The following PRKCB variants were observed in gnomAD, a reference collection of about 807,000 sequenced individuals.
PRKCB encodes protein kinase C beta.
In PRKCB, 13 loss-of-function variants were observed where a neutral mutation model predicts 81.5. That is an observed-to-expected ratio of 0.16 (90% CI 0.10 to 0.25). The LOEUF (loss-of-function observed/expected upper bound fraction) is 0.25, where lower values mean the gene tolerates loss of function less well. Ranked by LOEUF, PRKCB falls within the 10% of genes least tolerant of loss-of-function variation. The pLI is 1.00. For missense variants in PRKCB, 509 were observed against 875.7 expected, an observed-to-expected ratio of 0.58 and a Z score of 5.29; for synonymous variants, 335 against 321.4, an observed-to-expected ratio of 1.04 and a Z score of -0.45.
chr16:23,889,116 GTCCATCCATCCA>G (rs60798460), intron 2 of PRKCB, among the ~76,000 whole-genome samples: 56,166 of 147,424 alleles, frequency 0.38, 12,144 homozygotes, highest in East Asian at 0.51. Context: ...CTGTTCACTC[GTCCATCCATCCA>G]TCCATCCATC....
intron 9 of PRKCB, among the ~76,000 whole-genome samples, chr16:24,148,829 A>T (rs1467278595): frequency 1.3e-5 from 2 of 152,162 alleles, no homozygotes; most frequent in African/African-American, 4.8e-5. Context: ...CATTCACTTG[A>T]TCCAGACCGC....
chr16:23,910,364 T>A (rs192002835), intron 2 of PRKCB, among the ~76,000 whole-genome samples: 101 of 152,296 alleles, frequency 6.6e-4, no homozygotes, highest in African/African-American at 2.3e-3. Context: ...GACCTGGCAC[T>A]AATTAACACT....
intron 5 of PRKCB, among the ~76,000 whole-genome samples, chr16:24,076,611 G>A (rs2141888957): frequency 6.6e-6 from 1 of 152,326 alleles, no homozygotes; most frequent in Non-Finnish European, 1.5e-5. Context: ...CAGGGTACAA[G>A]TGACAGAATT....
chr16:24,145,191 G>A (rs1966970538), intron 9 of PRKCB, among the ~76,000 whole-genome samples: 5 of 152,196 alleles, frequency 3.3e-5, no homozygotes, highest in Non-Finnish European at 1.5e-5. Context: ...AGGTGAGATT[G>A]AGTCCCAAGT....
intron 2 of PRKCB, among the ~76,000 whole-genome samples, chr16:23,863,489 A>G (rs1450053308): frequency 6.6e-6 from 1 of 152,058 alleles, no homozygotes; most frequent in Admixed American, 6.6e-5. Flanking sequence ...TTCCTGTAAT[A>G]CAATGTCACA....
In PRKCB at chr16:24,216,316, C is replaced by T. The variant is rs1968227685; in HGVS notation, c.*1500C>T. 1 of 985,320 alleles carries T rather than the reference C, an allele frequency of 1.0e-6. No homozygotes were observed. The highest frequency in any genetic ancestry group is 1.7e-5 in the African/African-American group (1 of 57,246). 61.0% of individuals were successfully genotyped at this position (985,320 alleles called of 1,614,324 possible). On this transcript the variant is annotated 3_prime_UTR_variant, in exon 17 of 17. Transcript: ENST00000643927. ...TTATCAAAATCACCACTCCTCCCAG[C>T]TTGGACTAAATATTCTTTCTAGCAA...
chr16:23,973,407 T>C (rs1964583875), intron 2 of PRKCB, among the ~76,000 whole-genome samples: 1 of 152,154 alleles, frequency 6.6e-6, no homozygotes, highest in African/African-American at 2.4e-5. Context: ...GGTTTCTAAC[T>C]CCTGACCTCA....
chr16:23,908,915 T>C (rs894813488), intron 2 of PRKCB, among the ~76,000 whole-genome samples: 1 of 152,242 alleles, frequency 6.6e-6, no homozygotes, highest in Non-Finnish European at 1.5e-5. Flanking sequence ...AACAGCGTGG[T>C]GTCACCCACC....
intron 9 of PRKCB, among the ~76,000 whole-genome samples, chr16:24,140,720 G>A (rs1324999453): frequency 2.0e-5 from 3 of 152,202 alleles, no homozygotes; most frequent in Non-Finnish European, 4.4e-5. Flanking sequence ...CTACAACAGT[G>A]ATGTTATCTG....
intron 5 of PRKCB, among the ~76,000 whole-genome samples, chr16:24,067,212 C>T (rs954043017): frequency 6.6e-6 from 1 of 152,132 alleles, no homozygotes; most frequent in African/African-American, 2.4e-5. Flanking sequence ...ATCCTTTCTC[C>T]CTTCTTTTAA....
In PRKCB at chr16:24,176,078, G is replaced by A. The variant is rs532604928; in HGVS notation, c.1394+1498G>A. 6.6e-5 allele frequency among the ~76,000 whole-genome samples: 10 copies of A among 151,994 alleles called. 1 individual carries two copies. In the South Asian group the frequency reaches 1.9e-3, roughly 28 times the overall value. On this transcript the variant is annotated intron_variant, in intron 12 of 16. Coordinates refer to ENST00000643927, the MANE Select transcript of PRKCB (RefSeq NM_002738.7). ...TGCTGGTAGGATGGAGAAATGGGAA[G>A]TGGGGACCTTGTCAGAGGCTTTCAG... is the stretch of plus-strand genomic sequence containing the variant.
intron 10 of PRKCB, among the ~76,000 whole-genome samples, chr16:24,171,075 T>C (rs534309461): frequency 1.3e-5 from 2 of 152,246 alleles, no homozygotes; most frequent in African/African-American, 4.8e-5. Flanking sequence ...GGTGAGTACC[T>C]CAAAATTCAG....
At chr16:23,885,111 C>T (rs1383113956) in intron 2 of PRKCB, among the ~76,000 whole-genome samples, 1 of 152,068 alleles carries the variant, frequency 6.6e-6, no homozygotes, top group Non-Finnish European at 1.5e-5. Flanking sequence ...AATAATGATA[C>T]ATGTTGTTTA....
At chr16:23,836,782 C>A (rs1311112814) in intron 1 of PRKCB, among the ~76,000 whole-genome samples, 1 of 136,556 alleles carries the variant, frequency 7.3e-6, no homozygotes, top group Non-Finnish European at 1.6e-5. Context: ...GGGGGCGGCG[C>A]CCTGGGTGTC....
At chr16:24,139,509 A>G (rs1385942182) in intron 9 of PRKCB, among the ~76,000 whole-genome samples, 2 of 152,186 alleles carry the variant, frequency 1.3e-5, no homozygotes, top group Admixed American at 1.3e-4. Flanking sequence ...GGGTGTAGTG[A>G]CATTTGCTTA....
At chr16:23,943,003 A>G (rs1463405952) in intron 2 of PRKCB, among the ~76,000 whole-genome samples, 1 of 152,186 alleles carries the variant, frequency 6.6e-6, no homozygotes, top group African/African-American at 2.4e-5. Context: ...GAGCATCCAG[A>G]GCAACTCTAG....
intron 2 of PRKCB, among the ~76,000 whole-genome samples, chr16:23,924,073 A>G (rs190879294): frequency 6.6e-6 from 1 of 152,094 alleles, no homozygotes; most frequent in East Asian, 1.9e-4. Context: ...CATAATCCCC[A>G]TGTGTCTAGG....
chr16:24,058,764 C>T (rs1965937408), intron 5 of PRKCB, among the ~76,000 whole-genome samples: 1 of 152,178 alleles, frequency 6.6e-6, no homozygotes, highest in Non-Finnish European at 1.5e-5. Flanking sequence ...CTTGCTCAAG[C>T]ATGCTAGGGA....
rs986989119 is a variant in PRKCB at position 24,172,427 on chromosome 16, G to C, written c.1331+66G>C. On this transcript the variant is annotated intron_variant, in intron 11 of 16. Transcript: ENST00000643927. ...TGGGTAGGTTAGTGGTTCCTTTGAG[G>C]GTGTTTTTTTGCCAAAGAGGGATCT... 8.3e-6 allele frequency: 12 copies of C among 1,442,218 alleles called. No individual in the cohort carries two copies. In the East Asian group the frequency reaches 2.2e-4, roughly 26 times the overall value. The allele number at this position is 1,442,218 out of a possible 1,614,324, so 89.3% of individuals were successfully genotyped here.
Sources: allele counts gnomAD v4.1 joint callset (sites outside exome capture counted in the v4.1 genomes callset), GRCh38; gene constraint gnomAD v4.1.1; transcripts MANE v1.5; gene names NCBI Gene and HGNC (gene_info 2026-07-23, HGNC 2026-07-21).